GLIS3: variants seen among roughly 807,000 people sequenced by gnomAD.
GLIS3 encodes the protein zinc finger protein GLIS3.
In GLIS3, 53 loss-of-function variants were observed where a neutral mutation model predicts 78.6. The observed-to-expected ratio is 0.67, with a 90% confidence interval of 0.54 to 0.85. The LOEUF (loss-of-function observed/expected upper bound fraction) is 0.85, where lower values mean the gene tolerates loss of function less well. GLIS3 is among the 40% of genes least tolerant of loss of function. The probability of loss-of-function intolerance (pLI) is 0.00; values close to 1 mark genes in which losing one functional copy is unlikely to be tolerated. For missense variants in GLIS3, 1,703 were observed against 1,231.1 expected (o/e 1.38, Z -5.74); for synonymous variants, 684 against 509.9 (o/e 1.34, Z -4.60).
intron 4 of GLIS3, among the ~76,000 whole-genome samples, chr9:3,988,469 C>T (rs938550405): frequency 6.6e-6 from 1 of 152,024 alleles, no homozygotes; most frequent in African/African-American, 2.4e-5. Flanking sequence ...GTGAGGTTCC[C>T]ATAATTCTCC....
At chr9:4,431,908 G>T in the GLIS3 span, among the ~76,000 whole-genome samples, 1 of 150,640 alleles carries the variant, frequency 6.6e-6, no homozygotes, top group Non-Finnish European at 1.5e-5. Context: ...TATGGTCTCT[G>T]TCACAACTAT....
intron 2 of GLIS3, among the ~76,000 whole-genome samples, chr9:4,335,759 C>A (rs1452214679): frequency 6.6e-6 from 1 of 152,190 alleles, no homozygotes; most frequent in Non-Finnish European, 1.5e-5. Context: ...TCAGAACACA[C>A]TTGGCATCCC....
chr9:4,338,381 C>A (rs1016967324), intron 2 of GLIS3, among the ~76,000 whole-genome samples: 1 of 123,484 alleles, frequency 8.1e-6, no homozygotes, highest in African/African-American at 3.3e-5. Flanking sequence ...CACACACACA[C>A]ACACACATAC....
At chr9:3,907,413 G>C (rs571137351) in intron 6 of GLIS3, among the ~76,000 whole-genome samples, 1 of 152,066 alleles carries the variant, frequency 6.6e-6, no homozygotes, top group East Asian at 1.9e-4. Context: ...TGATCCTTTC[G>C]TAATTTACTT....
intron 4 of GLIS3, among the ~76,000 whole-genome samples, chr9:3,988,739 C>T (rs1367750052): frequency 2.0e-5 from 3 of 152,144 alleles, no homozygotes; most frequent in African/African-American, 7.2e-5. Flanking sequence ...ACCTAAACCT[C>T]ATACGTTATA....
Position 4,118,305 on chromosome 9 carries a change from C to G in GLIS3, c.1173G>C (p.Glu391Asp). The part of the protein sequence containing the change: ...LPAYGEDGAL[E>D]HERMQQLEHG... ...GCTCCAGCTGTTGCATGCGCTCGTG[C>G]TCCAGGGCCCCGTCCTCGCCGTAGG... The change falls in exon 4 of 11, where the codon GAG (glutamate) becomes GAC (aspartate). Residue 391 changes from glutamate (E) to aspartate (D), a missense_variant. By Grantham distance (45) the Glu-to-Asp change is conservative. Coordinates refer to ENST00000381971, the MANE Select transcript of GLIS3 (RefSeq NM_001042413.2). This position sits in a 1 kb window ranked among gnomAD's most constrained non-coding sequence, Gnocchi z 4.7. 6.3e-7 allele frequency: 1 copy of G among 1,577,366 alleles called. No homozygotes were observed. Among genetic ancestry groups the G allele is most frequent in the Non-Finnish European group, 8.6e-7 (1 of 1,163,796 alleles).
At chr9:4,040,036 G>A (rs1419688375) in intron 4 of GLIS3, among the ~76,000 whole-genome samples, 1 of 152,130 alleles carries the variant, frequency 6.6e-6, no homozygotes, top group Non-Finnish European at 1.5e-5. Flanking sequence ...TCCAAACAGA[G>A]GGTAACTGAG....
At chr9:3,846,361 G>C (rs530923755) in intron 9 of GLIS3, among the ~76,000 whole-genome samples, 1 of 152,138 alleles carries the variant, frequency 6.6e-6, no homozygotes, top group Admixed American at 6.6e-5. Flanking sequence ...TTAGGGCATG[G>C]TACTTAAGCT....
chr9:4,279,742 A>C lies in GLIS3; in HGVS notation c.388+6296T>G, dbSNP rs575966060. Among the ~76,000 whole-genome samples the C allele has an allele frequency of 2.0e-5, 3 of 152,208 alleles. No homozygotes were observed. In the South Asian group the frequency reaches 6.2e-4, roughly 32 times the overall value. On this transcript the variant is annotated intron_variant, in intron 2 of 10. Transcript: ENST00000381971. The stretch of plus-strand genomic sequence containing the variant: ...GTTTTTCTCCACTGCCACATCATTA[A>C]TTTTAAAATACTGATACTAGTTTAA...
At chr9:3,983,785 A>G (rs1819503575) in intron 4 of GLIS3, among the ~76,000 whole-genome samples, 1 of 152,154 alleles carries the variant, frequency 6.6e-6, no homozygotes, top group South Asian at 2.1e-4. Flanking sequence ...AGCATTCAAG[A>G]GGTGACTTGG....
At chr9:4,113,445 C>G (rs959124079) in intron 4 of GLIS3, among the ~76,000 whole-genome samples, 1 of 152,100 alleles carries the variant, frequency 6.6e-6, no homozygotes, top group African/African-American at 2.4e-5. Context: ...TTTAGTCTCT[C>G]CAACAACGTT....
intron 2 of GLIS3, among the ~76,000 whole-genome samples, chr9:4,336,869 G>A (rs1396669812): frequency 6.6e-6 from 1 of 152,138 alleles, no homozygotes; most frequent in Admixed American, 6.5e-5. Flanking sequence ...AAAGTTATCT[G>A]TCAATTCTAC....
chr9:4,470,492 A>T, the GLIS3 span, among the ~76,000 whole-genome samples: 1 of 152,276 alleles, frequency 6.6e-6, no homozygotes, highest in Non-Finnish European at 1.5e-5. Context: ...TAACAGAACC[A>T]AAGACAAAAG....
intron 4 of GLIS3, among the ~76,000 whole-genome samples, chr9:3,990,768 C>T (rs372148953): frequency 3.1e-4 from 47 of 152,104 alleles, no homozygotes; most frequent in African/African-American, 4.3e-4. Context: ...AATAGCTAAA[C>T]GTATGTATAT....
At chr9:4,026,271 G>T (rs1004753756) in intron 4 of GLIS3, among the ~76,000 whole-genome samples, 3 of 152,208 alleles carry the variant, frequency 2.0e-5, no homozygotes, top group African/African-American at 7.2e-5. Context: ...ACAGACTACA[G>T]ACCAGTCTCA....
chr9:3,892,260 A>G (rs780013522), intron 7 of GLIS3, among the ~76,000 whole-genome samples: 2 of 152,150 alleles, frequency 1.3e-5, no homozygotes, highest in African/African-American at 2.4e-5. Flanking sequence ...AAAAAAAAGC[A>G]GCCTGGAAAT....
the GLIS3 span, among the ~76,000 whole-genome samples, chr9:4,443,165 T>C: frequency 1.3e-5 from 2 of 152,196 alleles, no homozygotes; most frequent in Non-Finnish European, 2.9e-5. Flanking sequence ...CCTCCAACTC[T>C]CATGGAACAT....
At chr9:4,259,287 G>A (rs553219037) in intron 2 of GLIS3, among the ~76,000 whole-genome samples, 1 of 144,440 alleles carries the variant, frequency 6.9e-6, no homozygotes, top group East Asian at 2.0e-4. Context: ...TTTCTAAGAG[G>A]AGTTAATTGA....
intron 4 of GLIS3, among the ~76,000 whole-genome samples, chr9:4,104,883 G>A (rs890118569): frequency 6.6e-5 from 10 of 152,224 alleles, no homozygotes; most frequent in African/African-American, 2.4e-4. Context: ...GTGCTTAGAA[G>A]AGAGACTGGC....
Sources: gnomAD v4.1 joint callset for allele counts (sites outside exome capture counted in the v4.1 genomes callset) on GRCh38, gnomAD v4.1.1 for gene constraint, Gnocchi (gnomAD v3.1) non-coding constraint, MANE v1.5 for transcripts, NCBI Gene and HGNC (gene_info 2026-07-23, HGNC 2026-07-21) for gene names.